The following THADA variants were observed in gnomAD, a reference collection of about 807,000 sequenced individuals.
THADA encodes the protein tRNA (32-2'-O)-methyltransferase regulator THADA.
In THADA, 213 loss-of-function variants were observed where a neutral mutation model predicts 219.8. The ratio of observed to expected loss-of-function variants is 0.97; its 90% CI spans 0.87 to 1.09. THADA has a LOEUF of 1.09. Among genes scored for constraint, THADA ranks in the 50% least tolerant of loss-of-function variants. THADA has a pLI of 0.00. For synonymous variants in THADA, 1,018 were observed against 828.9 expected (o/e 1.23, Z -3.92); for missense variants, 2,956 against 2,311.3 (o/e 1.28, Z -5.72).
rs779474834 is a variant in THADA at position 43,574,958 on chromosome 2, T to A, written c.1107A>T (p.Gln369His). 6.2e-7 allele frequency: 1 copy of A among 1,614,052 alleles called. No homozygotes were observed. The highest frequency in any genetic ancestry group is 8.5e-7 in the Non-Finnish European group (1 of 1,179,898). The stretch of plus-strand genomic sequence containing the variant: ...GGCTCGGGGAACTTGATTCAAGGAC[T>A]TGTATGGCTGAATTAGTCCAGGATG... Reference protein sequence around the residue: ...ILASWTNSAIQVLESSSPSLT... With the variant: ...ILASWTNSAIHVLESSSPSLT... The change falls in exon 11 of 38, where the codon CAA (glutamine) becomes CAT (histidine). Residue 369 changes from glutamine to histidine, a missense_variant. Physicochemically the swap from Gln to His is conservative, Grantham distance 24. Transcript: ENST00000405975.
At chr2:43,499,484 C>T (rs1412131285) in intron 24 of THADA, among the ~76,000 whole-genome samples, 1 of 152,188 alleles carries the variant, frequency 6.6e-6, no homozygotes, top group Non-Finnish European at 1.5e-5. Context: ...TCAAGCGATT[C>T]TCCTGCCTCA....
chr2:43,366,579 G>T (rs1670182718), intron 29 of THADA, among the ~76,000 whole-genome samples: 1 of 152,174 alleles, frequency 6.6e-6, no homozygotes, highest in Admixed American at 6.5e-5. Context: ...ATATAAATAG[G>T]AAAGCAAAAG....
intron 36 of THADA, among the ~76,000 whole-genome samples, chr2:43,248,152 TATATATATATATAGAGAGAGAG>T (rs1283184247): frequency 3.1e-3 from 274 of 89,330 alleles, no homozygotes; most frequent in African/African-American, 5.2e-3. Context: ...TATATATATA[TATATATATATATAGAGAGAGAG>T]AGAGAGAGAG....
At chr2:43,293,910 T>C (rs1675046304) in intron 31 of THADA, among the ~76,000 whole-genome samples, 1 of 152,188 alleles carries the variant, frequency 6.6e-6, no homozygotes, top group African/African-American at 2.4e-5. Context: ...ATCACAAATC[T>C]CCTGCATGGT....
rs528520255 is a variant in THADA, at chr2:43,502,668, T to C, written c.3621+2954A>G. 2.6e-5 allele frequency among the ~76,000 whole-genome samples: 4 copies of C among 151,506 alleles called. No homozygotes were observed. The East Asian group carries it at 7.7e-4, about 29-fold the overall frequency. ...CTTTCCCATCTTGGGGTATAATTTC[T>C]GAAATAAGATCCAAATGTACAACCA... On this transcript the variant is annotated intron_variant, in intron 24 of 37. Transcript: ENST00000405975.
intron 21 of THADA, among the ~76,000 whole-genome samples, chr2:43,536,609 A>C (rs1301478021): frequency 1.3e-5 from 2 of 152,152 alleles, no homozygotes; most frequent in Non-Finnish European, 2.9e-5. Flanking sequence ...ACAGGGTATA[A>C]ATTTCCACAG....
chr2:43,267,512 T>C (rs1037366346), intron 36 of THADA, among the ~76,000 whole-genome samples: 9 of 152,214 alleles, frequency 5.9e-5, no homozygotes, highest in Admixed American at 4.6e-4. Flanking sequence ...GCTAAGCGTG[T>C]GTCCATTTAG....
chr2:43,286,551 G>C (rs1674033376), intron 35 of THADA, among the ~76,000 whole-genome samples: 1 of 152,050 alleles, frequency 6.6e-6, no homozygotes, highest in African/African-American at 2.4e-5. Context: ...GACCAGCCTG[G>C]CCAATATGGT....
At position 43,297,470 on chromosome 2, in the gene THADA, C is replaced by G. The variant is rs1283910225; in HGVS notation, c.4439-4257G>C. 4.6e-5 allele frequency among the ~76,000 whole-genome samples: 5 copies of G among 109,112 alleles called. 1 individual carries two copies. Among genetic ancestry groups the G allele is most frequent in the Non-Finnish European group, 9.0e-5 (5 of 55,676 alleles). The allele number at this position is 109,112 out of a possible 152,430, so 71.6% of individuals were successfully genotyped here. ...GGTGGGGGGGGGTCAGCCCCCCGCC[C>G]GGCCAGCCGCCCCATCCGGGAGGGA... On this transcript the variant is annotated intron_variant, in intron 31 of 37. Transcript: ENST00000405975.
intron 35 of THADA, among the ~76,000 whole-genome samples, chr2:43,286,157 G>C (rs995793104): frequency 6.6e-6 from 1 of 152,180 alleles, no homozygotes; most frequent in Admixed American, 6.5e-5. Flanking sequence ...ACAAATAGAA[G>C]TCAGTCAAGC....
chr2:43,279,824 T>A lies in THADA; in HGVS notation c.5237A>T (p.Asp1746Val). Residue 1746 changes from aspartate to valine, a missense_variant, in exon 36 of 38, where the codon GAT becomes GTT. Transcript: ENST00000405975. ...LLQSEEQAVR[D>V]AATETVTTAM... ...AGTTGTCACGGTTTCCGTGGCTGCA[T>A]CTCTAACAGCTTGCTCCTCACTCTG... 1.3e-6 allele frequency: 2 copies of A among 1,561,234 alleles called. No individual in the cohort carries two copies. Among genetic ancestry groups the A allele is most frequent in the Non-Finnish European group, 1.7e-6 (2 of 1,152,344 alleles).
intron 14 of THADA, among the ~76,000 whole-genome samples, chr2:43,567,113 C>T (rs903476257): frequency 4.1e-4 from 62 of 150,140 alleles, no homozygotes; most frequent in Middle Eastern, 3.4e-3. Context: ...GACAGAGTCT[C>T]GCTGGGTTCA....
In THADA at chr2:43,547,160, G is replaced by A. The variant is rs1350798219; in HGVS notation, c.3106+2050C>T. On this transcript the variant is annotated intron_variant, in intron 20 of 37. Transcript: ENST00000405975. ...TAGTTTGGCTGGATATGAAATTCTGGGTTGAAAATTCTTTTCTTTAAGAAT... is the reference window on the plus strand; with the variant it reads ...TAGTTTGGCTGGATATGAAATTCTGAGTTGAAAATTCTTTTCTTTAAGAAT... Among the ~76,000 whole-genome samples, 8 of 152,158 alleles carry A rather than the reference G, an allele frequency of 5.3e-5. No individual in the cohort carries two copies. In the East Asian group the frequency reaches 1.5e-3, roughly 29 times the overall value.
At chr2:43,369,328 T>A (rs1426060209) in intron 29 of THADA, among the ~76,000 whole-genome samples, 1 of 152,212 alleles carries the variant, frequency 6.6e-6, no homozygotes, top group East Asian at 1.9e-4. Flanking sequence ...GAACAAGTGA[T>A]AAAATGAAAT....
At position 43,535,675 on chromosome 2, in the gene THADA, C is replaced by CAAAA. The variant is rs1177702416; in HGVS notation, c.3264+5480_3264+5483dup. ...CAAGCCTGGGCGACACAGCGAGACT[C>CAAAA]AAAAAAAAAAAAAAAAAAAAAAAAA... On this transcript the variant is annotated intron_variant, in intron 21 of 37. Transcript: ENST00000405975. 2.6e-3 allele frequency among the ~76,000 whole-genome samples: 80 copies of CAAAA among 30,352 alleles called. 1 individual carries two copies. Among genetic ancestry groups the CAAAA allele is most frequent in the African/African-American group, 6.6e-3 (54 of 8,234 alleles). The allele number at this position is 30,352 out of a possible 152,430, so 19.9% of individuals were successfully genotyped here.
chr2:43,439,445 G>C (rs915559905), intron 26 of THADA, among the ~76,000 whole-genome samples: 1 of 152,166 alleles, frequency 6.6e-6, no homozygotes, highest in Non-Finnish European at 1.5e-5. Flanking sequence ...CCCAGGATGT[G>C]AATCAGCTCT....
intron 36 of THADA, among the ~76,000 whole-genome samples, chr2:43,238,164 A>G (rs969211498): frequency 7.5e-5 from 11 of 146,246 alleles, no homozygotes; most frequent in Non-Finnish European, 1.5e-4. Context: ...GAAGGAAAGA[A>G]GGAAGGGAGG....
intron 36 of THADA, among the ~76,000 whole-genome samples, chr2:43,235,347 G>A (rs1256780969): frequency 6.6e-6 from 1 of 152,126 alleles, no homozygotes; most frequent in African/African-American, 2.4e-5. Context: ...AGGCTGGAGT[G>A]CAGTGGCACC....
chr2:43,390,745 G>C (rs1316359180), intron 29 of THADA, among the ~76,000 whole-genome samples: 1 of 152,144 alleles, frequency 6.6e-6, no homozygotes, highest in Non-Finnish European at 1.5e-5. Context: ...CAGTAATCTT[G>C]GAGGGCAAGG....
Sources: gnomAD v4.1 joint callset for allele counts (sites outside exome capture counted in the v4.1 genomes callset) on GRCh38, gnomAD v4.1.1 for gene constraint, MANE v1.5 for transcripts, NCBI Gene and HGNC (gene_info 2026-07-23, HGNC 2026-07-21) for gene names.